The following ADGRL2 variants were observed in gnomAD, a reference collection of about 807,000 sequenced individuals.
ADGRL2 encodes calcium-independent alpha-latrotoxin receptor 2.
In ADGRL2, 44 loss-of-function variants were observed where a neutral mutation model predicts 157.4. The ratio of observed to expected loss-of-function variants is 0.28; its 90% CI spans 0.22 to 0.36. ADGRL2 has a LOEUF of 0.36. Ranked by LOEUF, ADGRL2 falls within the 10% of genes least tolerant of loss-of-function variation. ADGRL2 has a pLI of 1.00. For synonymous variants in ADGRL2, 585 were observed against 624.7 expected (o/e 0.94, Z 0.95); for missense variants, 1,510 against 1,768.9 (o/e 0.85, Z 2.63).
At chr1:81,564,499 C>T (rs2080515068) in intron 2 of ADGRL2, among the ~76,000 whole-genome samples, 1 of 152,172 alleles carries the variant, frequency 6.6e-6, no homozygotes, top group African/African-American at 2.4e-5. Flanking sequence ...TGGCCGGAGC[C>T]TCCCTCAGTG....
upstream of ADGRL2, among the ~76,000 whole-genome samples, chr1:81,698,464 T>C (rs2083489803): frequency 6.6e-6 from 1 of 152,214 alleles, no homozygotes; most frequent in Non-Finnish European, 1.5e-5. Context: ...CAAATATTTA[T>C]TGAACTCATT....
chr1:81,570,207 T>TG (rs2080655207), intron 2 of ADGRL2, among the ~76,000 whole-genome samples: 1 of 152,214 alleles, frequency 6.6e-6, no homozygotes, highest in South Asian at 2.1e-4. Flanking sequence ...AGGGATCACT[T>TG]GGACCATCTT....
At chr1:81,747,705 G>GTGTGTT (rs2085347203) in intron 1 of ADGRL2, among the ~76,000 whole-genome samples, 1 of 96,646 alleles carries the variant, frequency 1.0e-5, no homozygotes, top group Non-Finnish European at 2.2e-5. Context: ...TAATGTTTGT[G>GTGTGTT]TGTGTGTGTG....
At chr1:81,873,785 T>C (rs1016727009) in intron 2 of ADGRL2, among the ~76,000 whole-genome samples, 1 of 152,140 alleles carries the variant, frequency 6.6e-6, no homozygotes. Flanking sequence ...TGGAAATATC[T>C]AATTCTTACC....
chr1:81,551,055 T>C (rs916113615), intron 2 of ADGRL2, among the ~76,000 whole-genome samples: 3 of 152,152 alleles, frequency 2.0e-5, no homozygotes, highest in Non-Finnish European at 2.9e-5. Context: ...CTGAGACTCA[T>C]TGAGCTTCAT....
chr1:81,526,611 C>T (rs1363467645), intron 2 of ADGRL2, among the ~76,000 whole-genome samples: 3 of 152,076 alleles, frequency 2.0e-5, no homozygotes, highest in African/African-American at 7.2e-5. Flanking sequence ...TTTTAAAAGT[C>T]CCGATTAGGA....
intron 2 of ADGRL2, among the ~76,000 whole-genome samples, chr1:81,846,373 T>C (rs1172637758): frequency 1.2e-5 from 1 of 81,502 alleles, no homozygotes; most frequent in African/African-American, 4.2e-5. Flanking sequence ...TTTTATGTTG[T>C]TAAACAGCCG....
chr1:81,695,692 G>A (rs1159125211), upstream of ADGRL2, among the ~76,000 whole-genome samples: 3 of 152,010 alleles, frequency 2.0e-5, no homozygotes, highest in Non-Finnish European at 4.4e-5. Context: ...GTGATGGTGT[G>A]TGCCAGTAAT....
intron 21 of ADGRL2, among the ~76,000 whole-genome samples, chr1:81,985,759 C>G (rs1029229553): frequency 5.3e-5 from 8 of 151,832 alleles, no homozygotes; most frequent in South Asian, 2.1e-4. Flanking sequence ...TTTGATGTGT[C>G]TACAGTGGCA....
chr1:81,637,381 A>G (rs2148785417), intron 3 of ADGRL2, among the ~76,000 whole-genome samples: 1 of 152,296 alleles, frequency 6.6e-6, no homozygotes, highest in East Asian at 1.9e-4. Context: ...CCCAGCTTCC[A>G]CGGCTAGTAG....
intron 3 of ADGRL2, among the ~76,000 whole-genome samples, chr1:81,608,741 A>T (rs2081482805): frequency 6.6e-6 from 1 of 152,178 alleles, no homozygotes. Flanking sequence ...GAGACTAAGA[A>T]TTCTTTCATT....
At chr1:81,615,945 T>C (rs2081636963) in intron 3 of ADGRL2, among the ~76,000 whole-genome samples, 1 of 152,130 alleles carries the variant, frequency 6.6e-6, no homozygotes, top group Non-Finnish European at 1.5e-5. Flanking sequence ...CCTGATTAAA[T>C]TGGGAGTTTT....
chr1:81,432,006 TTA>T, intron 1 of ADGRL2, among the ~76,000 whole-genome samples: 1 of 152,280 alleles, frequency 6.6e-6, no homozygotes, highest in Middle Eastern at 3.4e-3. Flanking sequence ...CACCCAAAAG[TTA>T]TTGCTAATTT....
chr1:81,419,904 A>G (rs2077095771), intron 1 of ADGRL2, among the ~76,000 whole-genome samples: 1 of 152,224 alleles, frequency 6.6e-6, no homozygotes. Flanking sequence ...GGAATATATT[A>G]TTAGAAAAGA....
chr1:81,405,304 C>T (rs984584911), intron 1 of ADGRL2, among the ~76,000 whole-genome samples: 14 of 152,104 alleles, frequency 9.2e-5, no homozygotes, highest in Middle Eastern at 3.4e-3. Flanking sequence ...GCAATGATTC[C>T]GTATTAATTT....
At chr1:81,930,115 T>A (rs1455021957) in intron 3 of ADGRL2, among the ~76,000 whole-genome samples, 1 of 152,156 alleles carries the variant, frequency 6.6e-6, no homozygotes, top group Non-Finnish European at 1.5e-5. Flanking sequence ...AGATAAACAG[T>A]ATGCTATATT....
chr1:81,936,933 A>T (rs1329574256), intron 4 of ADGRL2, 96 bp downstream of exon 4: 2 of 752,756 alleles, frequency 2.7e-6, no homozygotes, highest in Non-Finnish European at 4.7e-6. Context: ...TTTATGGCCT[A>T]CAAAACCATT....
At chr1:81,492,003 A>G (rs567166703) in intron 2 of ADGRL2, among the ~76,000 whole-genome samples, 1 of 152,308 alleles carries the variant, frequency 6.6e-6, no homozygotes, top group African/African-American at 2.4e-5. Flanking sequence ...TCTGATGACC[A>G]TAGAGGCCCT....
chr1:81,808,455 C>A (rs1573022), intron 1 of ADGRL2, among the ~76,000 whole-genome samples: 6,290 of 144,384 alleles, frequency 0.044, 392 homozygotes, highest in African/African-American at 0.14. Context: ...AGAGTTTTTT[C>A]TTTCTGCTTT....
Sources: allele counts gnomAD v4.1 joint callset (sites outside exome capture counted in the v4.1 genomes callset), GRCh38; gene constraint gnomAD v4.1.1; transcripts MANE v1.5; gene names NCBI Gene and HGNC (gene_info 2026-07-23, HGNC 2026-07-21).